Variants in ACOXL observed in about 807,000 individuals in gnomAD.
ACOXL encodes the protein acyl-coenzyme A oxidase-like protein.
In ACOXL, 70 loss-of-function variants were observed where a neutral mutation model predicts 71.9. That is an observed-to-expected ratio of 0.97 (90% CI 0.80 to 1.19). The LOEUF is 1.19. ACOXL is among the 50% of genes most tolerant of loss of function. The pLI, the probability that ACOXL is intolerant of heterozygous loss-of-function variation, is 0.00. For missense variants in ACOXL, 703 were observed against 736.3 expected (o/e 0.95, Z 0.52); for synonymous variants, 253 against 281.6 (o/e 0.90, Z 1.02).
intron 16 of ACOXL, among the ~76,000 whole-genome samples, chr2:111,050,270 A>T (rs1046560917): frequency 6.6e-6 from 1 of 152,164 alleles, no homozygotes; most frequent in South Asian, 2.1e-4. Context: ...TTTAAAAAAA[A>T]AAAAGCTTTC....
chr2:111,084,711 C>A (rs183521456), intron 16 of ACOXL, among the ~76,000 whole-genome samples: 5 of 152,058 alleles, frequency 3.3e-5, no homozygotes, highest in African/African-American at 1.2e-4. Context: ...ATCAAATCCA[C>A]ACATATCAAT....
Position 110,839,027 on chromosome 2 carries a change from C to T in ACOXL, c.754-2344C>T, listed in dbSNP as rs190927949. On this transcript the variant is annotated intron_variant, in intron 9 of 17. Coordinates refer to ENST00000439055, the MANE Select transcript of ACOXL (RefSeq NM_001142807.4). ...CAATAAAACATATTTTATTCAGAAG[C>T]CAGGAAAAGACTCATAAAAACACTT... Among the ~76,000 whole-genome samples, 330 of 152,274 alleles carry T rather than the reference C, an allele frequency of 2.2e-3. 3 individuals carry two copies. The highest frequency in any genetic ancestry group is 1.1e-3 in the Non-Finnish European group (74 of 68,020).
At chr2:110,950,022 C>CT (rs548623739) in intron 12 of ACOXL, among the ~76,000 whole-genome samples, 57 of 151,476 alleles carry the variant, frequency 3.8e-4, no homozygotes, top group African/African-American at 1.1e-3. Flanking sequence ...AATCCTCTGT[C>CT]TTTTTTTTAT....
At chr2:110,754,506 G>A (rs1679417837) in intron 1 of ACOXL, among the ~76,000 whole-genome samples, 3 of 152,154 alleles carry the variant, frequency 2.0e-5, no homozygotes. Flanking sequence ...AACCCCAGCA[G>A]CAACTGATAT....
At chr2:110,910,804 T>G (rs2059625263) in intron 11 of ACOXL, among the ~76,000 whole-genome samples, 1 of 152,236 alleles carries the variant, frequency 6.6e-6, no homozygotes, top group African/African-American at 2.4e-5. Context: ...CTTGTTTATC[T>G]TATTGTTATT....
intron 10 of ACOXL, among the ~76,000 whole-genome samples, chr2:110,879,032 G>A (rs955678802): frequency 6.6e-6 from 1 of 151,076 alleles, no homozygotes; most frequent in African/African-American, 2.4e-5. Context: ...CCTCCAGCCT[G>A]GGCGACAGGG....
At chr2:110,829,038 C>T (rs376286775) in intron 9 of ACOXL, among the ~76,000 whole-genome samples, 158 of 152,200 alleles carry the variant, frequency 1.0e-3, no homozygotes, top group African/African-American at 3.4e-3. Flanking sequence ...CTTGAATTTC[C>T]GACCTCAGGT....
chr2:110,803,447 T>G (rs957102481), intron 8 of ACOXL, among the ~76,000 whole-genome samples: 2 of 152,208 alleles, frequency 1.3e-5, no homozygotes, highest in Non-Finnish European at 2.9e-5. Context: ...CAAATGGTGC[T>G]GGGACAAACT....
intron 7 of ACOXL, 131 bp from the exon 8 acceptor site, chr2:110,801,521 C>T (rs756910196): frequency 1.2e-5 from 9 of 743,032 alleles, no homozygotes; most frequent in South Asian, 1.1e-4. Context: ...CCATGTCCAC[C>T]CCCAAGGAAA....
intron 9 of ACOXL, among the ~76,000 whole-genome samples, chr2:110,819,905 C>T (rs1688396459): frequency 6.6e-6 from 1 of 152,154 alleles, no homozygotes; most frequent in African/African-American, 2.4e-5. Flanking sequence ...GCTATGTGAA[C>T]TTGTACAAAT....
intron 12 of ACOXL, among the ~76,000 whole-genome samples, chr2:110,962,662 C>T (rs2061746393): frequency 6.6e-6 from 1 of 152,186 alleles, no homozygotes; most frequent in South Asian, 2.1e-4. Flanking sequence ...TGAAGCAGGT[C>T]CCCCAGGCAT....
chr2:110,865,041 T>C (rs969058116), intron 10 of ACOXL, among the ~76,000 whole-genome samples: 1 of 150,490 alleles, frequency 6.6e-6, no homozygotes, highest in Non-Finnish European at 1.5e-5. Flanking sequence ...TTCTTATGTA[T>C]TTCTGTGTGG....
intron 9 of ACOXL, among the ~76,000 whole-genome samples, chr2:110,811,419 C>G (rs897503878): frequency 1.3e-5 from 2 of 152,106 alleles, no homozygotes; most frequent in African/African-American, 2.4e-5. Flanking sequence ...TGTGGCATAA[C>G]AGAGGGTGAT....
intron 5 of ACOXL, among the ~76,000 whole-genome samples, chr2:110,795,170 T>G (rs1685142134): frequency 6.6e-6 from 1 of 152,200 alleles, no homozygotes; most frequent in Non-Finnish European, 1.5e-5. Flanking sequence ...ATTCTTTATT[T>G]TTGCAGTTTG....
At chr2:110,928,825 T>C (rs1172047285) in intron 11 of ACOXL, among the ~76,000 whole-genome samples, 2 of 152,212 alleles carry the variant, frequency 1.3e-5, no homozygotes, top group African/African-American at 4.8e-5. Flanking sequence ...TGAATAAGTC[T>C]CATGAGATCT....
rs577829621 is a variant in ACOXL, at chr2:111,037,702, G to T, written c.1369+5988G>T. On this transcript the variant is annotated intron_variant, in intron 15 of 17. Coordinates refer to ENST00000439055, the MANE Select transcript of ACOXL (RefSeq NM_001142807.4). ...ACTGAGGAAACTGAGGCTCAGAGGG[G>T]TGAACAACTGCTTGGGGTCACACGC... is the stretch of plus-strand genomic sequence containing the variant. Among the ~76,000 whole-genome samples the T allele has an allele frequency of 2.6e-5, 4 of 152,294 alleles. No homozygotes were observed. In the South Asian group the frequency reaches 8.3e-4, roughly 32 times the overall value.
At chr2:110,902,032 C>CAA (rs34402895) in intron 10 of ACOXL, among the ~76,000 whole-genome samples, 1,415 of 134,740 alleles carry the variant, frequency 0.011, 30 homozygotes, top group Admixed American at 0.06. Flanking sequence ...ACGATTCTGT[C>CAA]AAAAAAAAAA....
At chr2:110,764,269 A>G (rs1573397371) in intron 1 of ACOXL, among the ~76,000 whole-genome samples, 1 of 152,308 alleles carries the variant, frequency 6.6e-6, no homozygotes, top group Non-Finnish European at 1.5e-5. Flanking sequence ...CAAGATGTCT[A>G]TCAGTAGTTG....
At chr2:111,026,743 G>A (rs11687123) in intron 14 of ACOXL, among the ~76,000 whole-genome samples, 22,442 of 151,976 alleles carry the variant, frequency 0.15, 1,744 homozygotes, top group Middle Eastern at 0.23. Flanking sequence ...CCCAAGAGGG[G>A]GTTCTTGGAT....
Sources: allele counts gnomAD v4.1 joint callset (sites outside exome capture counted in the v4.1 genomes callset), GRCh38; gene constraint gnomAD v4.1.1; transcripts MANE v1.5; gene names NCBI Gene and HGNC (gene_info 2026-07-23, HGNC 2026-07-21).